GNG4: variants seen among roughly 807,000 people sequenced by gnomAD.
GNG4 encodes guanine nucleotide-binding protein G(I)/G(S)/G(O) subunit gamma-4.
A neutral mutation model predicts 5.8 loss-of-function variants in GNG4; 4 were observed. The ratio of observed to expected loss-of-function variants is 0.69; its 90% CI spans 0.34 to 1.57. The LOEUF (loss-of-function observed/expected upper bound fraction) is 1.57. Among genes scored for constraint, GNG4 ranks in the 40% most tolerant of loss-of-function variants. The pLI is 0.06. For synonymous variants in GNG4, 29 were observed against 32.9 expected, an observed-to-expected ratio of 0.88 and a Z score of 0.41; for missense variants, 96 against 95.1, an observed-to-expected ratio of 1.01 and a Z score of -0.04.
At chr1:235,587,995 G>C (rs1022462987) in intron 2 of GNG4, among the ~76,000 whole-genome samples, 2 of 151,750 alleles carry the variant, frequency 1.3e-5, no homozygotes, top group Non-Finnish European at 2.9e-5. Flanking sequence ...AACGTTACCG[G>C]GGAAAGCAGC....
At chr1:235,552,421 C>T (rs890011544) in intron 3 of GNG4, among the ~76,000 whole-genome samples, 184 bp from the exon 4 acceptor site, 14 of 152,090 alleles carry the variant, frequency 9.2e-5, no homozygotes, top group African/African-American at 3.4e-4. Context: ...TGGTTCGAAG[C>T]GGGCCTCCAA....
chr1:235,606,358 G>C (rs1688359657), intron 1 of GNG4, among the ~76,000 whole-genome samples: 1 of 152,056 alleles, frequency 6.6e-6, no homozygotes, highest in Non-Finnish European at 1.5e-5. Context: ...CTTCAGCCTG[G>C]GCGACAGAGC....
intron 1 of GNG4, chr1:235,616,317 T>C: frequency 2.3e-6 from 1 of 443,042 alleles, no homozygotes; most frequent in Non-Finnish European, 4.4e-6. Context: ...ATCCCCTTTG[T>C]CATTCAGAAC....
intron 1 of GNG4, among the ~76,000 whole-genome samples, chr1:235,599,698 C>T (rs183399986): frequency 6.6e-6 from 1 of 152,240 alleles, no homozygotes; most frequent in Non-Finnish European, 1.5e-5. Flanking sequence ...CCCAGTCCTG[C>T]CTTATGCAGG....
intron 1 of GNG4, among the ~76,000 whole-genome samples, chr1:235,620,093 G>A (rs1156287367): frequency 6.6e-6 from 1 of 152,210 alleles, no homozygotes; most frequent in Non-Finnish European, 1.5e-5. Context: ...GTTGGGCGTG[G>A]TGGCTCACGC....
chr1:235,580,240 G>A (rs771278637), intron 3 of GNG4, among the ~76,000 whole-genome samples: 3 of 152,204 alleles, frequency 2.0e-5, no homozygotes, highest in Admixed American at 6.5e-5. Flanking sequence ...AAGGTAGAAC[G>A]GTGGTCACCA....
At chr1:235,606,430 G>A (rs1037543636) in intron 1 of GNG4, among the ~76,000 whole-genome samples, 2 of 152,124 alleles carry the variant, frequency 1.3e-5, no homozygotes, top group Non-Finnish European at 2.9e-5. Context: ...TGGGAGTCTA[G>A]ATACTGGCTC....
intron 3 of GNG4, among the ~76,000 whole-genome samples, chr1:235,560,256 C>T (rs903356281): frequency 2.0e-5 from 3 of 152,136 alleles, no homozygotes; most frequent in Admixed American, 2.0e-4. Flanking sequence ...GGAAACAATG[C>T]GAGCATGTTA....
At chr1:235,566,010 T>A (rs1402758918) in intron 3 of GNG4, 3 of 152,200 alleles carry the variant, frequency 2.0e-5, no homozygotes. Flanking sequence ...GAATTGAGAA[T>A]CTGACTCTAT....
intron 3 of GNG4, among the ~76,000 whole-genome samples, chr1:235,564,288 G>A (rs181045473): frequency 1.3e-5 from 2 of 152,140 alleles, no homozygotes; most frequent in Non-Finnish European, 2.9e-5. Context: ...AGGGGTGATG[G>A]GGGGAGGAAG....
intron 3 of GNG4, among the ~76,000 whole-genome samples, chr1:235,583,352 C>T (rs1687686795): frequency 6.6e-6 from 1 of 152,212 alleles, no homozygotes; most frequent in Admixed American, 6.5e-5. Context: ...CAGAGCTCCA[C>T]CCTCAACAAT....
chr1:235,567,681 T>C (rs530946795), intron 3 of GNG4, among the ~76,000 whole-genome samples: 4 of 152,376 alleles, frequency 2.6e-5, no homozygotes, highest in South Asian at 2.1e-4. Context: ...GTTTTAAGTA[T>C]ACACTACATT....
intron 3 of GNG4, among the ~76,000 whole-genome samples, chr1:235,573,058 CAA>C (rs1687384740): frequency 6.6e-6 from 1 of 152,124 alleles, no homozygotes; most frequent in African/African-American, 2.4e-5. Context: ...TTCACAATAG[CAA>C]AGACTTGGAA....
chr1:235,593,750 G>A (rs1462788901), intron 2 of GNG4, among the ~76,000 whole-genome samples: 1 of 152,102 alleles, frequency 6.6e-6, no homozygotes, highest in Non-Finnish European at 1.5e-5. Flanking sequence ...AAGGCGGCGC[G>A]TCTGGAGTTG....
chr1:235,571,129 A>G (rs1687332126), intron 3 of GNG4, among the ~76,000 whole-genome samples: 1 of 152,094 alleles, frequency 6.6e-6, no homozygotes, highest in Admixed American at 6.6e-5. Flanking sequence ...TACAATAGAA[A>G]ATTGGGTAAA....
intron 2 of GNG4, chr1:235,588,855 A>T (rs1375204119): frequency 1.3e-5 from 2 of 152,272 alleles, no homozygotes; most frequent in African/African-American, 4.8e-5. Flanking sequence ...CTCCACACCC[A>T]CATCCATCCT....
At position 235,593,611 on chromosome 1, in the gene GNG4, G is replaced by A. The variant is rs570461362; in HGVS notation, c.-11+1789C>T. ...AGTGTTACAATTCTCAATTCTTAAA[G>A]GCGGCGTGTCCGGAGTTTGCTACTG... On this transcript the variant is annotated intron_variant, in intron 2 of 3. Coordinates refer to ENST00000391854, the MANE Select transcript of GNG4 (RefSeq NM_001098722.2). Among the ~76,000 whole-genome samples, 34 of 152,320 alleles carry A rather than the reference G, an allele frequency of 2.2e-4. No individual in the cohort carries two copies. In the East Asian group the frequency reaches 6.4e-3, roughly 29 times the overall value.
intron 3 of GNG4, among the ~76,000 whole-genome samples, chr1:235,579,387 C>A (rs1687566809): frequency 6.8e-6 from 1 of 147,154 alleles, no homozygotes; most frequent in Admixed American, 7.0e-5. Context: ...TTAATTTTTA[C>A]TTGTCAAAGT....
intron 1 of GNG4, among the ~76,000 whole-genome samples, chr1:235,630,438 C>G (rs1688908756): frequency 6.6e-6 from 1 of 152,252 alleles, no homozygotes; most frequent in African/African-American, 2.4e-5. Context: ...TGATGCCACG[C>G]TCTCATCACT....
Sources: gnomAD v4.1 joint callset for allele counts (sites outside exome capture counted in the v4.1 genomes callset) on GRCh38, gnomAD v4.1.1 for gene constraint, MANE v1.5 for transcripts, NCBI Gene and HGNC (gene_info 2026-07-23, HGNC 2026-07-21) for gene names.